Variants in EIF2S2 observed in about 807,000 individuals in gnomAD.
The protein encoded by EIF2S2 is eukaryotic translation initiation factor 2 subunit 2.
In EIF2S2, 4 loss-of-function variants were observed where a neutral mutation model predicts 44.0. The observed-to-expected ratio is 0.09, with a 90% confidence interval of 0.04 to 0.21. The LOEUF is 0.21. Among genes scored for constraint, EIF2S2 ranks in the 10% least tolerant of loss-of-function variants. EIF2S2 has a pLI of 1.00. For missense variants in EIF2S2, 154 were observed against 392.0 expected (o/e 0.39, Z 5.13); for synonymous variants, 108 against 128.3 (o/e 0.84, Z 1.07).
chr20:34,103,643 A>C, intron 2 of EIF2S2, 78 bp from the exon 3 acceptor site: 1 of 1,415,290 alleles, frequency 7.1e-7, no homozygotes, highest in East Asian at 2.8e-5. Context: ...ATAGTTCAGC[A>C]ATTAATCAAG....
intron 7 of EIF2S2, 102 bp downstream of exon 7, chr20:34,093,573 A>G: frequency 9.5e-6 from 10 of 1,049,648 alleles, no homozygotes; most frequent in Non-Finnish European, 1.4e-5. Context: ...TTTCTCTAAT[A>G]ATCAGGTGAA....
intron 8 of EIF2S2, 79 bp downstream of exon 8, chr20:34,090,438 A>G: frequency 1.1e-6 from 1 of 887,586 alleles, no homozygotes; most frequent in South Asian, 2.2e-5. Flanking sequence ...GCTCACTGCA[A>G]TCAAATGGCT....
At chr20:34,094,049 C>G (rs2034199611) in intron 6 of EIF2S2, among the ~76,000 whole-genome samples, 10 of 152,132 alleles carry the variant, frequency 6.6e-5, no homozygotes, top group Admixed American at 6.6e-4. Flanking sequence ...TGCCACCATG[C>G]CTGTCTAATT....
intron 7 of EIF2S2, among the ~76,000 whole-genome samples, chr20:34,091,990 A>G (rs2034171437): frequency 6.6e-6 from 1 of 152,216 alleles, no homozygotes; most frequent in Admixed American, 6.5e-5. Context: ...AACTGATAGG[A>G]AACTGTTGAC....
chr20:34,112,000 G>A (rs1037127088), intron 1 of EIF2S2, 96 bp downstream of exon 1: 9 of 1,264,804 alleles, frequency 7.1e-6, no homozygotes, highest in Non-Finnish European at 9.1e-6. Context: ...ACATGGCGGC[G>A]GCCGGCTGCT....
chr20:34,088,397 T>C lies in EIF2S2; in HGVS notation c.*1333A>G, dbSNP rs2034120783. ...GGGTGTAGATACAAAAAAAGGAAAATGGGGGCATAAACAGCAGTTGGGTTC... is the reference window on the plus strand; with the variant it reads ...GGGTGTAGATACAAAAAAAGGAAAACGGGGGCATAAACAGCAGTTGGGTTC... On this transcript the variant is annotated 3_prime_UTR_variant, in exon 9 of 9. Coordinates refer to ENST00000374980, the MANE Select transcript of EIF2S2 (RefSeq NM_003908.5). 1.3e-5 allele frequency: 2 copies of C among 151,080 alleles called. No homozygotes were observed. The highest frequency in any genetic ancestry group is 3.0e-5 in the Non-Finnish European group (2 of 67,516). The allele number at this position is 151,080 out of a possible 1,614,324, so 9.4% of individuals were successfully genotyped here.
intron 3 of EIF2S2, 32 bp from the exon 4 acceptor site, chr20:34,098,665 T>C (rs775592237): frequency 1.9e-6 from 3 of 1,598,376 alleles, no homozygotes; most frequent in Non-Finnish European, 2.6e-6. Flanking sequence ...GAACATTTGA[T>C]ACTGGGACTA....
At chr20:34,091,487 G>T (rs1383552979) in intron 7 of EIF2S2, among the ~76,000 whole-genome samples, 1 of 151,974 alleles carries the variant, frequency 6.6e-6, no homozygotes, top group East Asian at 1.9e-4. Flanking sequence ...AGGCTGAGGC[G>T]AGTTGATCAC....
In EIF2S2 at chr20:34,089,683, C is replaced by T. The variant is rs1397067043; in HGVS notation, c.*47G>A. 1.9e-6 allele frequency: 3 copies of T among 1,580,696 alleles called. No individual in the cohort carries two copies. The highest frequency in any genetic ancestry group is 2.3e-5 in the East Asian group (1 of 44,442). ...ATATCCACTCTGATGGCAAACCTGT[C>T]CAGCCACATCTCCACAACAAGCTTT... is the stretch of plus-strand genomic sequence containing the variant. On this transcript the variant is annotated 3_prime_UTR_variant, in exon 9 of 9. Transcript: ENST00000374980.
chr20:34,097,380 T>C, intron 5 of EIF2S2, 36 bp downstream of exon 5: 2 of 1,533,560 alleles, frequency 1.3e-6, no homozygotes, highest in Non-Finnish European at 1.8e-6. Context: ...CACTAGTGAA[T>C]AGCTTAGCCC....
At chr20:34,090,006 C>T (rs926700235) in intron 8 of EIF2S2, 101 bp from the exon 9 acceptor site, 1 of 1,335,650 alleles carries the variant, frequency 7.5e-7, no homozygotes, top group Non-Finnish European at 1.0e-6. Flanking sequence ...CAAGCCCAGG[C>T]TGAGAATTTA....
chr20:34,101,385 G>A (rs540303041), intron 3 of EIF2S2, among the ~76,000 whole-genome samples: 3 of 152,228 alleles, frequency 2.0e-5, no homozygotes, highest in African/African-American at 7.2e-5. Context: ...GCAGTGAACC[G>A]AGATTGCGCC....
At chr20:34,094,905 T>C (rs2034209356) in intron 6 of EIF2S2, among the ~76,000 whole-genome samples, 3 of 152,182 alleles carry the variant, frequency 2.0e-5, no homozygotes, top group Admixed American at 2.0e-4. Context: ...TATAATAAAA[T>C]AGGTAAGCTC....
intron 8 of EIF2S2, 53 bp from the exon 9 acceptor site, chr20:34,089,958 A>G: frequency 6.3e-7 from 1 of 1,584,222 alleles, no homozygotes; most frequent in Non-Finnish European, 8.6e-7. Flanking sequence ...GAGGTAGAGA[A>G]GTTTCTGCCT....
chr20:34,109,034 G>A (rs772710386), intron 1 of EIF2S2, among the ~76,000 whole-genome samples: 3 of 151,560 alleles, frequency 2.0e-5, no homozygotes, highest in Admixed American at 6.6e-5. Context: ...CTGCAGCCTC[G>A]AACTCCTGGC....
At chr20:34,105,698 T>C (rs977856185) in intron 1 of EIF2S2, among the ~76,000 whole-genome samples, 153 bp from the exon 2 acceptor site, 29 of 152,174 alleles carry the variant, frequency 1.9e-4, no homozygotes, top group Admixed American at 5.9e-4. Context: ...ATAAAATAAA[T>C]TGTCCACCCA....
At chr20:34,111,123 G>C (rs1242876511) in intron 1 of EIF2S2, among the ~76,000 whole-genome samples, 1 of 152,098 alleles carries the variant, frequency 6.6e-6, no homozygotes, top group Admixed American at 6.5e-5. Context: ...AGCCCTCCAT[G>C]AACTAGTCAT....
intron 7 of EIF2S2, among the ~76,000 whole-genome samples, chr20:34,092,888 T>C (rs938682112): frequency 2.6e-5 from 4 of 152,192 alleles, no homozygotes; most frequent in African/African-American, 4.8e-5. Context: ...ATAGACCTGA[T>C]TGTATCTATC....
intron 3 of EIF2S2, among the ~76,000 whole-genome samples, chr20:34,099,760 T>C (rs1035375517): frequency 6.6e-6 from 1 of 152,154 alleles, no homozygotes; most frequent in African/African-American, 2.4e-5. Context: ...AAACGACTCA[T>C]AGAACTCAGG....
Sources: allele counts gnomAD v4.1 joint callset (sites outside exome capture counted in the v4.1 genomes callset), GRCh38; gene constraint gnomAD v4.1.1; transcripts MANE v1.5; gene names NCBI Gene and HGNC (gene_info 2026-07-23, HGNC 2026-07-21).